The following BRCA1 variants were observed in gnomAD, a reference collection of about 807,000 sequenced individuals.
The protein encoded by BRCA1 is breast cancer type 1 susceptibility protein.
In BRCA1, 140 loss-of-function variants were observed where a neutral mutation model predicts 173.7. The observed-to-expected ratio is 0.81, with a 90% CI of 0.70 to 0.93. The LOEUF is 0.93. Ranked by LOEUF, BRCA1 falls within the 40% of genes least tolerant of loss-of-function variation. The pLI is 0.00. For missense variants in BRCA1, 1,983 were observed against 2,172.5 expected (o/e 0.91, Z 1.73); for synonymous variants, 662 against 756.0 (o/e 0.88, Z 2.04).
chr17:43,067,367 G>A, intron 16 of BRCA1: 1 of 389,584 alleles, frequency 2.6e-6, no homozygotes, highest in Non-Finnish European at 4.8e-6. Flanking sequence ...TGATTCTCCT[G>A]CCTCAGCCTC....
intron 1 of BRCA1, among the ~76,000 whole-genome samples, chr17:43,159,881 C>G (rs1243800864): frequency 6.6e-6 from 1 of 152,068 alleles, no homozygotes; most frequent in African/African-American, 2.4e-5. Context: ...AGTACAGTCC[C>G]CTTTTCCTTT....
chr17:43,164,543 A>C (rs947917120), intron 1 of BRCA1: 7 of 152,376 alleles, frequency 4.6e-5, no homozygotes, highest in African/African-American at 1.7e-4. Flanking sequence ...TAGCACGAGG[A>C]AAGAAAGAAG....
intron 18 of BRCA1, among the ~76,000 whole-genome samples, chr17:43,057,573 C>T (rs866610021): frequency 4.0e-5 from 6 of 151,448 alleles, no homozygotes; most frequent in African/African-American, 9.7e-5. Context: ...TGGTGGCTCA[C>T]GCCTGTAATC....
rs1041753798 is a variant in BRCA1 at position 43,112,858 on chromosome 17, C to T, written c.134+2868G>A. Among the ~76,000 whole-genome samples the T allele has an allele frequency of 2.0e-5, 3 of 151,850 alleles. No homozygotes were observed. In the East Asian group the frequency reaches 5.8e-4, roughly 29 times the overall value. On this transcript the variant is annotated intron_variant, in intron 3 of 22. Coordinates refer to ENST00000357654, the MANE Select transcript of BRCA1 (RefSeq NM_007294.4). Reference sequence around the variant, plus strand: ...CACTCTTGTCGCCCAGGCTGGAGTGCAATGGCGCAATCTCGGCTCACTGCA... The same window carrying T: ...CACTCTTGTCGCCCAGGCTGGAGTGTAATGGCGCAATCTCGGCTCACTGCA...
At chr17:43,169,066 CAGTTCTTA>C (rs1221555510) in intron 1 of BRCA1, among the ~76,000 whole-genome samples, 2 of 152,164 alleles carry the variant, frequency 1.3e-5, no homozygotes, top group Non-Finnish European at 2.9e-5. Context: ...CAAATGGATC[CAGTTCTTA>C]AGTTCTCCCT....
At chr17:43,153,736 T>G (rs563459967) in intron 1 of BRCA1, 4 of 152,324 alleles carry the variant, frequency 2.6e-5, no homozygotes, top group African/African-American at 4.8e-5. Context: ...AAATTAGACT[T>G]ATAGGCCTAA....
chr17:43,138,188 A>G, intron 1 of BRCA1: 1 of 181,718 alleles, frequency 5.5e-6, no homozygotes, highest in Non-Finnish European at 1.2e-5. Flanking sequence ...CCATCTCAAA[A>G]GGAAAAAAAA....
intron 1 of BRCA1, chr17:43,133,281 T>C (rs1386299336): frequency 6.6e-6 from 1 of 152,194 alleles, no homozygotes; most frequent in African/African-American, 2.4e-5. Flanking sequence ...CAAAAGGGAT[T>C]ATTTAGGGCA....
rs1597872888 is a variant in BRCA1, at chr17:43,093,542, G to A, written c.1989C>T (p.Ser663=). The part of the protein sequence containing the change: ...KKYNQMPVRH[S]RNLQLMEGKE... ...TACCTTCCATGAGTTGTAGGTTTCT[G>A]CTGTGCCTGACTGGCATTTGGTTGT... The change falls in exon 10 of 23, where the codon AGC becomes AGT. Residue 663 remains serine, a synonymous_variant. Transcript: ENST00000357654. The A allele has an allele frequency of 6.2e-7, 1 of 1,613,942 alleles. No individual in the cohort carries two copies. Among genetic ancestry groups the A allele is most frequent in the Non-Finnish European group, 8.5e-7 (1 of 1,179,988 alleles).
intron 1 of BRCA1, among the ~76,000 whole-genome samples, chr17:43,158,696 A>G (rs1456668248): frequency 6.6e-6 from 1 of 152,206 alleles, no homozygotes; most frequent in Non-Finnish European, 1.5e-5. Flanking sequence ...TTGAGTGGCA[A>G]CTAGGTCCCA....
rs143160357 is a variant in BRCA1 at position 43,125,337 on chromosome 17, G to T, written c.-86C>A. ...GCCCAGTTATCTGAGAAACCCCACA[G>T]CCTGTCCCCCGTCCAGGAAGTCTCA... is the stretch of plus-strand genomic sequence containing the variant. On this transcript the variant is annotated 5_prime_UTR_variant, in exon 1 of 23. It adds an upstream start codon to the 5' untranslated region. Coordinates refer to ENST00000357654, the MANE Select transcript of BRCA1 (RefSeq NM_007294.4). 1 of 445,956 alleles carries T rather than the reference G, an allele frequency of 2.2e-6. No individual in the cohort carries two copies. The highest frequency in any genetic ancestry group is 1.6e-5 in the South Asian group (1 of 64,286). 27.6% of individuals were successfully genotyped at this position (445,956 alleles called of 1,614,324 possible). A position where few individuals can be genotyped will look rare whatever the true frequency, so the allele number is the denominator to read the frequency against.
At chr17:43,120,357 G>GGA (rs1567820678) in intron 2 of BRCA1, among the ~76,000 whole-genome samples, 1 of 152,170 alleles carries the variant, frequency 6.6e-6, no homozygotes, top group Non-Finnish European at 1.5e-5. Context: ...GATCATTCCT[G>GGA]ATCACATATT....
chr17:43,146,570 A>C (rs1360218575), intron 1 of BRCA1, among the ~76,000 whole-genome samples: 3 of 151,694 alleles, frequency 2.0e-5, no homozygotes, highest in Non-Finnish European at 4.4e-5. Context: ...AGCCTCCCAA[A>C]GTCTTGGGAT....
upstream of BRCA1, among the ~76,000 whole-genome samples, chr17:43,130,222 C>T (rs1334945504): frequency 1.3e-5 from 2 of 152,092 alleles, no homozygotes; most frequent in African/African-American, 2.4e-5. Flanking sequence ...GGCTTTGTTG[C>T]CCAGGCTGGT....
intron 2 of BRCA1, among the ~76,000 whole-genome samples, chr17:43,122,127 G>C (rs1449221237): frequency 6.6e-6 from 1 of 152,122 alleles, no homozygotes; most frequent in Non-Finnish European, 1.5e-5. Flanking sequence ...TATAAATCTT[G>C]TATCGCTCTG....
rs141865758 is a variant in BRCA1 at position 43,133,510 on chromosome 17, A to G, written c.-19-9395T>C. Among the ~76,000 whole-genome samples, 604 of 152,134 alleles carry G rather than the reference A, an allele frequency of 4.0e-3. 5 individuals carry two copies. The highest frequency in any genetic ancestry group is 0.014 in the African/African-American group (581 of 41,498). On this transcript the variant is annotated intron_variant, in intron 1 of 7. Coordinates refer to the BRCA1 transcript ENST00000634433. ...TAGTGCTTTAAATCTAAGCTGACAT[A>G]CCAGTGGGATGTGAACTGTCCTTGC...
At chr17:43,146,937 C>T (rs1168330898) in intron 1 of BRCA1, among the ~76,000 whole-genome samples, 2 of 152,040 alleles carry the variant, frequency 1.3e-5, no homozygotes, top group African/African-American at 2.4e-5. Flanking sequence ...ATGAGGGCCC[C>T]GTCGTTTACC....
chr17:43,093,332 CTCT>C lies in BRCA1; in HGVS notation c.2196_2198del (p.Glu733del), dbSNP rs1167268646. The C allele has an allele frequency of 6.2e-7, 1 of 1,613,448 alleles. No homozygotes were observed. The highest frequency in any genetic ancestry group is 2.2e-5 in the East Asian group (1 of 44,870). On this transcript the variant is annotated inframe_deletion, in exon 10 of 23. Coordinates refer to ENST00000357654, the MANE Select transcript of BRCA1 (RefSeq NM_007294.4). ...TAGACACTTTAACTGTTTCTAGTTT[CTCT>C]TCTTTTTCTTCTCTTGGAAGGCTAG...
intron 2 of BRCA1, among the ~76,000 whole-genome samples, chr17:43,118,934 T>C (rs2055421043): frequency 1.3e-5 from 2 of 152,114 alleles, no homozygotes; most frequent in South Asian, 4.1e-4. Flanking sequence ...CGGCTAATTT[T>C]TTTGTATTTT....
Sources: gnomAD v4.1 joint callset for allele counts (sites outside exome capture counted in the v4.1 genomes callset) on GRCh38, gnomAD v4.1.1 for gene constraint, MANE v1.5 for transcripts, NCBI Gene and HGNC (gene_info 2026-07-23, HGNC 2026-07-21) for gene names.